The following ST8SIA4 variants were observed in gnomAD, a reference collection of about 807,000 sequenced individuals.
ST8SIA4 encodes the protein ST8 alpha-N-acetyl-neuraminide alpha-2,8-sialyltransferase 4.
A neutral mutation model predicts 33.9 loss-of-function variants in ST8SIA4; 15 were observed. The observed-to-expected ratio is 0.44, with a 90% CI of 0.30 to 0.68. The LOEUF is 0.68. Ranked by LOEUF, ST8SIA4 falls within the 30% of genes least tolerant of loss-of-function variation. The probability of loss-of-function intolerance (pLI) is 0.10; values close to 1 mark genes in which losing one functional copy is unlikely to be tolerated. For missense variants in ST8SIA4, 321 were observed against 428.0 expected, an observed-to-expected ratio of 0.75 and a Z score of 2.21; for synonymous variants, 171 against 151.2, an observed-to-expected ratio of 1.13 and a Z score of -0.96.
At chr5:100,888,116 T>C (rs1752580567) in intron 2 of ST8SIA4, among the ~76,000 whole-genome samples, 1 of 150,496 alleles carries the variant, frequency 6.6e-6, no homozygotes, top group African/African-American at 2.4e-5. Context: ...TTAAGAACAG[T>C]GAGCAGAAGA....
intron 3 of ST8SIA4, among the ~76,000 whole-genome samples, chr5:100,861,689 T>C (rs1175986884): frequency 1.3e-5 from 2 of 152,222 alleles, no homozygotes; most frequent in African/African-American, 2.4e-5. Flanking sequence ...TATTCTTAGC[T>C]ATTTGATCAT....
intron 4 of ST8SIA4, among the ~76,000 whole-genome samples, chr5:100,852,114 CTTT>C (rs773074391): frequency 3.6e-5 from 3 of 83,444 alleles, no homozygotes; most frequent in African/African-American, 5.1e-5. Flanking sequence ...CTCCACTCTT[CTTT>C]TTTTTTTTTT....
chr5:100,875,291 T>C (rs3776170), intron 3 of ST8SIA4, among the ~76,000 whole-genome samples: 69,015 of 151,864 alleles, frequency 0.45, 17,287 homozygotes, highest in African/African-American at 0.67. Flanking sequence ...TGGTGTAGAG[T>C]AGAATGCTGA....
chr5:100,820,163 T>A (rs991274130), intron 4 of ST8SIA4, among the ~76,000 whole-genome samples: 1 of 152,200 alleles, frequency 6.6e-6, no homozygotes, highest in Non-Finnish European at 1.5e-5. Flanking sequence ...GGTTTCACTA[T>A]GTCTAAAACA....
At chr5:100,871,916 T>C (rs1413459388) in intron 3 of ST8SIA4, among the ~76,000 whole-genome samples, 2 of 152,122 alleles carry the variant, frequency 1.3e-5, no homozygotes, top group Non-Finnish European at 2.9e-5. Context: ...CCAGATTTTC[T>C]GATCCCTAAT....
chr5:100,823,140 C>T (rs1044964193), intron 4 of ST8SIA4, among the ~76,000 whole-genome samples: 1 of 148,450 alleles, frequency 6.7e-6, no homozygotes, highest in African/African-American at 2.5e-5. Flanking sequence ...CATAAACAAA[C>T]AAACAAACAA....
In ST8SIA4 at chr5:100,850,426, T is replaced by C. The variant is rs1409230736; in HGVS notation, c.797+5677A>G. ...TACATATATATTACTTTTGTTATAGTAGAATTTAAAAAAGTAAAAATTAAA... is the reference window on the plus strand; with the variant it reads ...TACATATATATTACTTTTGTTATAGCAGAATTTAAAAAAGTAAAAATTAAA... On this transcript the variant is annotated intron_variant, in intron 4 of 4. Transcript: ENST00000231461. Among the ~76,000 whole-genome samples the C allele has an allele frequency of 2.6e-5, 4 of 151,514 alleles. No homozygotes were observed. In the East Asian group the frequency reaches 7.7e-4, roughly 29 times the overall value.
At chr5:100,819,971 T>C (rs1028490055) in intron 4 of ST8SIA4, among the ~76,000 whole-genome samples, 7 of 152,178 alleles carry the variant, frequency 4.6e-5, no homozygotes, top group African/African-American at 1.7e-4. Context: ...ATTTGTAGTG[T>C]TAATAAAACA....
chr5:100,826,277 A>G (rs145772307), intron 4 of ST8SIA4, among the ~76,000 whole-genome samples: 2 of 152,300 alleles, frequency 1.3e-5, no homozygotes, highest in East Asian at 1.9e-4. Context: ...AGCTGACTAC[A>G]TATGCCAATG....
intron 4 of ST8SIA4, among the ~76,000 whole-genome samples, chr5:100,817,109 A>ATTTTTTTTTTT (rs57222657): frequency 1.5e-4 from 11 of 74,362 alleles, no homozygotes; most frequent in East Asian, 4.7e-4. Flanking sequence ...CACCCAGCTA[A>ATTTTTTTTTTT]TTTTTTTTTT....
chr5:100,828,616 C>T (rs556776954), intron 4 of ST8SIA4, among the ~76,000 whole-genome samples: 94 of 152,260 alleles, frequency 6.2e-4, no homozygotes, highest in African/African-American at 2.2e-3. Flanking sequence ...ACTCATGGGA[C>T]CCCATAGACA....
intron 3 of ST8SIA4, among the ~76,000 whole-genome samples, chr5:100,858,038 C>A (rs1028018115): frequency 6.6e-6 from 1 of 151,798 alleles, no homozygotes; most frequent in Non-Finnish European, 1.5e-5. Context: ...ACAGGACTAC[C>A]CAGAAAAAGA....
chr5:100,814,460 C>T (rs1580445525), intron 4 of ST8SIA4, among the ~76,000 whole-genome samples: 1 of 151,604 alleles, frequency 6.6e-6, no homozygotes, highest in African/African-American at 2.4e-5. Flanking sequence ...AAAAATATAC[C>T]GTCAATATTT....
chr5:100,895,833 G>A, intron 1 of ST8SIA4, 48 bp from the exon 2 acceptor site: 2 of 1,602,890 alleles, frequency 1.2e-6, no homozygotes, highest in Non-Finnish European at 1.7e-6. Flanking sequence ...GAAACATTTT[G>A]TGTATACAGC....
chr5:100,890,594 G>A (rs950361144), intron 2 of ST8SIA4: 12 of 151,800 alleles, frequency 7.9e-5, no homozygotes, highest in African/African-American at 2.9e-4. Flanking sequence ...TTCCTAGTAC[G>A]TGGTCAAGTT....
At chr5:100,814,577 A>C (rs907347681) in intron 4 of ST8SIA4, among the ~76,000 whole-genome samples, 2 of 152,002 alleles carry the variant, frequency 1.3e-5, no homozygotes, top group African/African-American at 2.4e-5. Context: ...AATATGTAAC[A>C]GATAAGTTGA....
At chr5:100,868,572 C>T (rs1752128650) in intron 3 of ST8SIA4, among the ~76,000 whole-genome samples, 1 of 152,000 alleles carries the variant, frequency 6.6e-6, no homozygotes, top group Admixed American at 6.6e-5. Flanking sequence ...TCAGTAGTTT[C>T]AGTCAAGATT....
chr5:100,814,619 A>C (rs1750876122), intron 4 of ST8SIA4, among the ~76,000 whole-genome samples: 1 of 151,992 alleles, frequency 6.6e-6, no homozygotes, highest in Non-Finnish European at 1.5e-5. Flanking sequence ...CTAAGTAGGC[A>C]ATAAGTAATA....
intron 3 of ST8SIA4, chr5:100,885,792 A>T: frequency 1.1e-6 from 1 of 906,110 alleles, no homozygotes. Flanking sequence ...ACGCTTAATT[A>T]TGTTAAAAAA....
Sources: allele counts gnomAD v4.1 joint callset (sites outside exome capture counted in the v4.1 genomes callset), GRCh38; gene constraint gnomAD v4.1.1; transcripts MANE v1.5; gene names NCBI Gene and HGNC (gene_info 2026-07-23, HGNC 2026-07-21).